Variants in WDR7 observed in about 807,000 individuals in gnomAD.
WDR7 encodes the protein WD repeat domain 7.
In WDR7, 46 loss-of-function variants were observed where a neutral mutation model predicts 169.4. The observed-to-expected ratio is 0.27, with a 90% CI of 0.21 to 0.35. The LOEUF (loss-of-function observed/expected upper bound fraction) is 0.35, where lower values mean the gene tolerates loss of function less well. Ranked by LOEUF, WDR7 falls within the 10% of genes least tolerant of loss-of-function variation. The pLI, the probability that WDR7 is intolerant of heterozygous loss-of-function variation, is 1.00. For missense variants in WDR7, 1,534 were observed against 1,859.3 expected, an observed-to-expected ratio of 0.83 and a Z score of 3.22; for synonymous variants, 612 against 666.8, an observed-to-expected ratio of 0.92 and a Z score of 1.27.
intron 26 of WDR7, among the ~76,000 whole-genome samples, chr18:56,988,636 TA>T: frequency 6.9e-6 from 1 of 144,262 alleles, no homozygotes; most frequent in East Asian, 1.9e-4. Context: ...TGTGTGTGTG[TA>T]TAGAGTCGTC....
In WDR7 at chr18:57,029,624, C is replaced by T. The variant is rs1369095658; in HGVS notation, c.*2417C>T. 1 of 152,016 alleles carries T rather than the reference C, an allele frequency of 6.6e-6. No homozygotes were observed. Among genetic ancestry groups the T allele is most frequent in the African/African-American group, 2.4e-5 (1 of 41,388 alleles). The allele number at this position is 152,016 out of a possible 1,614,324, so 9.4% of individuals were successfully genotyped here. ...TTGGTAATTTACAAGCAAAAGATGA[C>T]ATGACGTGACACCTGTATGAAAATG... On this transcript the variant is annotated 3_prime_UTR_variant, in exon 28 of 28. Transcript: ENST00000254442.
chr18:56,977,040 A>G (rs2047576884), intron 26 of WDR7, among the ~76,000 whole-genome samples: 1 of 152,192 alleles, frequency 6.6e-6, no homozygotes, highest in Non-Finnish European at 1.5e-5. Flanking sequence ...AGAACAAGTG[A>G]CTTGTTCTCT....
At chr18:56,917,121 C>T (rs963414818) in intron 21 of WDR7, among the ~76,000 whole-genome samples, 4 of 151,832 alleles carry the variant, frequency 2.6e-5, no homozygotes, top group African/African-American at 7.3e-5. Flanking sequence ...CACTTGAACC[C>T]GGGAGACAGA....
At chr18:56,773,856 A>G (rs1233517815) in intron 16 of WDR7, among the ~76,000 whole-genome samples, 2 of 152,142 alleles carry the variant, frequency 1.3e-5, no homozygotes, top group East Asian at 3.9e-4. Flanking sequence ...AATTCTACAA[A>G]GCTTCTTAAC....
intron 22 of WDR7, among the ~76,000 whole-genome samples, chr18:56,930,627 T>C (rs769878039): frequency 6.6e-6 from 1 of 152,182 alleles, no homozygotes; most frequent in Non-Finnish European, 1.5e-5. Context: ...ATTGAAGATA[T>C]CTTGTGAAAT....
intron 20 of WDR7, among the ~76,000 whole-genome samples, chr18:56,851,743 A>G (rs538360349): frequency 2.1e-4 from 32 of 152,326 alleles, no homozygotes; most frequent in Non-Finnish European, 1.0e-4. Context: ...AAGATTCTTA[A>G]TCTTTCTTCA....
chr18:56,722,728 T>C lies in WDR7; in HGVS notation c.1774+4569T>C, dbSNP rs534394384. On this transcript the variant is annotated intron_variant, in intron 13 of 27. Transcript: ENST00000254442. ...GGAAGGGGTTGTTAGAGTGGAGATA[T>C]GACTGTGCTTACTACTCCCTCCTCT... is the stretch of plus-strand genomic sequence containing the variant. Among the ~76,000 whole-genome samples the C allele has an allele frequency of 5.9e-5, 9 of 152,302 alleles. No individual in the cohort carries two copies. In the South Asian group the frequency reaches 1.5e-3, roughly 25 times the overall value.
intron 25 of WDR7, among the ~76,000 whole-genome samples, chr18:56,959,188 C>A (rs939264024): frequency 3.3e-5 from 5 of 151,996 alleles, no homozygotes; most frequent in Non-Finnish European, 7.4e-5. Flanking sequence ...GAGGGAGCAG[C>A]AACTGTCAAA....
intron 12 of WDR7, among the ~76,000 whole-genome samples, chr18:56,700,656 G>A (rs1239692234): frequency 3.5e-5 from 5 of 141,978 alleles, no homozygotes; most frequent in Admixed American, 1.5e-4. Context: ...TGCAAGCTCC[G>A]CCTCCCGGGT....
At chr18:56,915,219 C>T (rs901251296) in intron 21 of WDR7, among the ~76,000 whole-genome samples, 13 of 151,974 alleles carry the variant, frequency 8.6e-5, no homozygotes, top group Non-Finnish European at 1.6e-4. Flanking sequence ...ATAATGGGTA[C>T]CTTGGAATTA....
intron 21 of WDR7, among the ~76,000 whole-genome samples, chr18:56,903,930 A>G (rs1441190981): frequency 1.3e-5 from 2 of 152,176 alleles, no homozygotes; most frequent in East Asian, 3.8e-4. Context: ...ACAATGTGCT[A>G]TTCAGAGAAT....
At chr18:56,686,799 A>G (rs1341028521) in intron 6 of WDR7, 56 bp from the exon 7 acceptor site, 18 of 1,400,046 alleles carry the variant, frequency 1.3e-5, no homozygotes, top group Non-Finnish European at 1.6e-5. Context: ...TCATTGTGTG[A>G]TAATTTTAAT....
intron 26 of WDR7, among the ~76,000 whole-genome samples, chr18:57,018,457 C>T (rs2048239161): frequency 6.6e-6 from 1 of 152,192 alleles, no homozygotes; most frequent in African/African-American, 2.4e-5. Flanking sequence ...TCTTTTGTGT[C>T]AGTGCTGGAC....
At chr18:56,820,675 A>C (rs1177569081) in intron 20 of WDR7, among the ~76,000 whole-genome samples, 1 of 152,056 alleles carries the variant, frequency 6.6e-6, no homozygotes, top group Admixed American at 6.5e-5. Context: ...TTTTAAATCT[A>C]ATTCTTTACA....
chr18:57,005,323 A>T lies in WDR7; in HGVS notation c.4165-15422A>T, dbSNP rs537475806. ...AGAAGCACAGTTTTAGGGAGCATGC[A>T]TTTACCATATAATATTACACTTACC... On this transcript the variant is annotated intron_variant, in intron 26 of 27. Coordinates refer to ENST00000254442, the MANE Select transcript of WDR7 (RefSeq NM_015285.3). Among the ~76,000 whole-genome samples, 31 of 152,270 alleles carry T rather than the reference A, an allele frequency of 2.0e-4. No homozygotes were observed. In the South Asian group the frequency reaches 5.2e-3, roughly 25 times the overall value.
At chr18:56,685,402 T>G (rs2025424137) in intron 5 of WDR7, among the ~76,000 whole-genome samples, 1 of 152,226 alleles carries the variant, frequency 6.6e-6, no homozygotes, top group African/African-American at 2.4e-5. Context: ...CTACGTTGAC[T>G]GCTTTCCAAT....
At chr18:56,930,178 AT>A (rs1327005373) in intron 22 of WDR7, among the ~76,000 whole-genome samples, 4 of 152,248 alleles carry the variant, frequency 2.6e-5, no homozygotes, top group African/African-American at 9.6e-5. Flanking sequence ...AGAGAGAAGC[AT>A]AAAGTCACTG....
intron 1 of WDR7, among the ~76,000 whole-genome samples, chr18:56,666,600 C>A (rs1163553160): frequency 6.6e-6 from 1 of 152,188 alleles, no homozygotes; most frequent in African/African-American, 2.4e-5. Context: ...GTAAACACTG[C>A]AGTTCCATTT....
At chr18:56,956,602 A>G (rs1372344371) in intron 25 of WDR7, among the ~76,000 whole-genome samples, 1 of 152,106 alleles carries the variant, frequency 6.6e-6, no homozygotes. Flanking sequence ...CTTGGGGTCA[A>G]AGTGACATGT....
Sources: gnomAD v4.1 joint callset for allele counts (sites outside exome capture counted in the v4.1 genomes callset) on GRCh38, gnomAD v4.1.1 for gene constraint, MANE v1.5 for transcripts, NCBI Gene and HGNC (gene_info 2026-07-23, HGNC 2026-07-21) for gene names.